Variants in ZNF286A observed in about 807,000 individuals in gnomAD.
ZNF286A encodes the protein zinc finger protein 286A.
Under a neutral mutation model 49.3 loss-of-function variants are expected in ZNF286A, and 34 were observed. That is an observed-to-expected ratio of 0.69 (90% CI 0.52 to 0.92). The LOEUF is 0.92. ZNF286A is among the 40% of genes least tolerant of loss of function. ZNF286A has a pLI of 0.00. For missense variants in ZNF286A, 462 were observed against 600.2 expected (o/e 0.77, Z 2.41); for synonymous variants, 155 against 200.4 (o/e 0.77, Z 1.91).
intron 3 of ZNF286A, among the ~76,000 whole-genome samples, chr17:15,703,040 A>T (rs976429143): frequency 9.9e-5 from 15 of 151,930 alleles, no homozygotes; most frequent in Admixed American, 8.5e-4. Context: ...GCTGGGATTG[A>T]CTCTAATGGG....
intron 5 of ZNF286A, among the ~76,000 whole-genome samples, chr17:15,712,512 T>A (rs1490897016): frequency 6.6e-6 from 1 of 152,200 alleles, no homozygotes; most frequent in African/African-American, 2.4e-5. Flanking sequence ...ACAGCATCCT[T>A]TTCCAGTAAT....
Position 15,708,151 on chromosome 17 carries a change from A to T in ZNF286A, c.242-4A>T, listed in dbSNP as rs763371034. 1 of 1,559,556 alleles carries T rather than the reference A, an allele frequency of 6.4e-7. No homozygotes were observed. Among genetic ancestry groups the T allele is most frequent in the Non-Finnish European group, 8.6e-7 (1 of 1,157,294 alleles). The stretch of plus-strand genomic sequence containing the variant: ...TCTGTCTTTTTCTTTTTTTAAATGA[A>T]TAGGGCTTCCAGTTTCCAAACCTGA... On this transcript the variant is annotated splice_polypyrimidine_tract_variant and splice_region_variant and intron_variant, in intron 4 of 5. Coordinates refer to ENST00000583566, the MANE Select transcript of ZNF286A (RefSeq NM_001130842.2).
At position 15,706,440 on chromosome 17, in the gene ZNF286A, G is replaced by A. The variant is rs201213141; in HGVS notation, c.180G>A (p.Gly60=). The change falls in exon 4 of 6, where the codon GGG becomes GGA. Residue 60 remains glycine, a synonymous_variant. Transcript: ENST00000583566. ...VAMDFTPEEW[G]KLDPAQRDVM... is the part of the protein sequence containing the mutation. The stretch of plus-strand genomic sequence containing the variant: ...TGGACTTTACACCAGAGGAGTGGGG[G>A]AAGCTGGATCCTGCACAAAGGGATG... The A allele has an allele frequency of 1.5e-4, 238 of 1,613,732 alleles. No homozygotes were observed. Among genetic ancestry groups the A allele is most frequent in the Non-Finnish European group, 2.0e-4 (234 of 1,179,914 alleles).
At chr17:15,706,214 A>AC (rs377124760) in intron 3 of ZNF286A, among the ~76,000 whole-genome samples, 173 bp from the exon 4 acceptor site, 125 of 152,286 alleles carry the variant, frequency 8.2e-4, no homozygotes, top group African/African-American at 2.8e-3. Context: ...ATTGATAGTT[A>AC]CCCTTTACAT....
chr17:15,709,817 A>G (rs1237401267), intron 5 of ZNF286A: 1 of 1,547,108 alleles, frequency 6.5e-7, no homozygotes, highest in Non-Finnish European at 8.7e-7. Context: ...TTCTGTTAGC[A>G]GTTGCAGTGA....
intron 3 of ZNF286A, among the ~76,000 whole-genome samples, chr17:15,705,932 G>A (rs1179656235): frequency 1.3e-5 from 2 of 151,794 alleles, no homozygotes; most frequent in African/African-American, 2.4e-5. Flanking sequence ...TTTTCTTTCC[G>A]TGACTTCTCC....
intron 3 of ZNF286A, among the ~76,000 whole-genome samples, chr17:15,704,051 C>CTTA (rs202126151): frequency 0.014 from 2,082 of 144,694 alleles, 34 homozygotes; most frequent in African/African-American, 0.045. Context: ...GAATAATTCT[C>CTTA]TTATTATTAT....
At chr17:15,705,460 G>T (rs921187924) in intron 3 of ZNF286A, among the ~76,000 whole-genome samples, 6 of 152,024 alleles carry the variant, frequency 3.9e-5, no homozygotes, top group African/African-American at 1.4e-4. Flanking sequence ...AGTGTTTAAA[G>T]CTACAAAATT....
chr17:15,702,472 G>GC (rs1425314936), intron 3 of ZNF286A, among the ~76,000 whole-genome samples: 1 of 150,198 alleles, frequency 6.7e-6, no homozygotes. Context: ...CCCAGATAGG[G>GC]CTACTGCACT....
At chr17:15,714,240 A>C (rs543365601) in intron 5 of ZNF286A, among the ~76,000 whole-genome samples, 7 of 151,996 alleles carry the variant, frequency 4.6e-5, no homozygotes, top group African/African-American at 1.4e-4. Context: ...GACTACTAGT[A>C]AGTTTAGTAT....
rs1989632542 is a variant in ZNF286A at position 15,699,883 on chromosome 17, C to T, written c.-196+106C>T. The T allele has an allele frequency of 4.3e-6, 3 of 699,334 alleles. No homozygotes were observed. In the Admixed American group the frequency reaches 6.0e-5, roughly 14 times the overall value. The allele number at this position is 699,334 out of a possible 1,614,324, so 43.3% of individuals were successfully genotyped here. ...CTAGAGTGCGCGTTTGTTAAAGGGG[C>T]CTCGAGGGCAGACCATGAGCCCTGT... is the stretch of plus-strand genomic sequence containing the variant. On this transcript the variant is annotated intron_variant, in intron 1 of 5. Transcript: ENST00000583566.
At position 15,700,246 on chromosome 17, in the gene ZNF286A, C is replaced by CG. The variant is rs1261262249; in HGVS notation, c.-78dup. On this transcript the variant is annotated 5_prime_UTR_variant, in exon 2 of 6. Coordinates refer to ENST00000583566, the MANE Select transcript of ZNF286A (RefSeq NM_001130842.2). ...AGGCAGGAAGTGGGACCACGAGGCCCGGGGGGCTTCTAACTCGTCTGGCCA... is the reference window on the plus strand; with the variant it reads ...AGGCAGGAAGTGGGACCACGAGGCCCGGGGGGGCTTCTAACTCGTCTGGCCA... The CG allele has an allele frequency of 6.5e-6, 4 of 619,012 alleles. No individual in the cohort carries two copies. Among genetic ancestry groups the CG allele is most frequent in the African/African-American group, 2.0e-5 (1 of 49,810 alleles). The allele number at this position is 619,012 out of a possible 1,614,324, so 38.3% of individuals were successfully genotyped here.
chr17:15,702,669 TC>T (rs1597704749), intron 3 of ZNF286A, among the ~76,000 whole-genome samples: 2 of 152,356 alleles, frequency 1.3e-5, no homozygotes, highest in East Asian at 3.9e-4. Flanking sequence ...TTTGTAAAAG[TC>T]ACTTCCTTTA....
intron 3 of ZNF286A, among the ~76,000 whole-genome samples, chr17:15,702,120 CAAA>C (rs916890935): frequency 6.2e-5 from 6 of 96,682 alleles, no homozygotes; most frequent in Admixed American, 1.1e-4. Context: ...AACTCTGTCT[CAAA>C]AAAAAAAAAA....
intron 4 of ZNF286A, 41 bp downstream of exon 4, chr17:15,706,542 A>G: frequency 1.4e-6 from 2 of 1,422,472 alleles, no homozygotes; most frequent in African/African-American, 2.9e-5. Context: ...TTATAGGAGC[A>G]TCATTACTTT....
intron 5 of ZNF286A, among the ~76,000 whole-genome samples, chr17:15,710,440 C>G (rs1313021255): frequency 6.6e-6 from 1 of 152,092 alleles, no homozygotes; most frequent in Non-Finnish European, 1.5e-5. Flanking sequence ...TTTTTCCATG[C>G]TGAAAGCCAA....
chr17:15,711,602 T>G (rs1242856711), intron 5 of ZNF286A, among the ~76,000 whole-genome samples: 5 of 152,160 alleles, frequency 3.3e-5, no homozygotes, highest in Admixed American at 2.6e-4. Flanking sequence ...CTGGCAAGCT[T>G]TTTATGTAAA....
intron 4 of ZNF286A, among the ~76,000 whole-genome samples, chr17:15,707,716 G>A (rs1216425140): frequency 6.6e-6 from 1 of 152,150 alleles, no homozygotes; most frequent in Non-Finnish European, 1.5e-5. Flanking sequence ...CCAGACTCTT[G>A]CTGCAGATAT....
intron 5 of ZNF286A, among the ~76,000 whole-genome samples, chr17:15,715,535 A>C (rs963318487): frequency 2.0e-5 from 3 of 152,282 alleles, no homozygotes; most frequent in East Asian, 1.9e-4. Context: ...TATATTTGTC[A>C]TTATGCCTTT....
Sources: gnomAD v4.1 joint callset for allele counts (sites outside exome capture counted in the v4.1 genomes callset) on GRCh38, gnomAD v4.1.1 for gene constraint, MANE v1.5 for transcripts, NCBI Gene and HGNC (gene_info 2026-07-23, HGNC 2026-07-21) for gene names.